RAB19: variants seen among roughly 807,000 people sequenced by gnomAD.
The protein encoded by RAB19 is RAB19, member RAS oncogene family, also known as ras-related protein Rab-19.
Under a neutral mutation model 17.3 loss-of-function variants are expected in RAB19, and 21 were observed. That is an observed-to-expected ratio of 1.21 (90% CI 0.86 to 1.74). The LOEUF (loss-of-function observed/expected upper bound fraction) is 1.74, where lower values mean the gene tolerates loss of function less well. Among genes scored for constraint, RAB19 ranks in the 40% most tolerant of loss-of-function variants. The pLI, the probability that RAB19 is intolerant of heterozygous loss-of-function variation, is 0.00. For synonymous variants in RAB19, 126 were observed against 110.4 expected (o/e 1.14, Z -0.88); for missense variants, 277 against 286.8 (o/e 0.97, Z 0.25).
At chr7:140,411,378 C>T (rs1453551963) in intron 2 of RAB19, among the ~76,000 whole-genome samples, 5 of 151,998 alleles carry the variant, frequency 3.3e-5, no homozygotes, top group Admixed American at 3.3e-4. Context: ...CCAGCCTGGG[C>T]GACAGAGCGA....
chr7:140,424,586 C>CCT (rs376517516), intron 3 of RAB19, among the ~76,000 whole-genome samples: 1,303 of 127,538 alleles, frequency 0.01, 4 homozygotes, highest in African/African-American at 0.013. Context: ...TGGACCTCTC[C>CCT]CTCTCTCTCT....
chr7:140,415,271 C>T (rs1799436616), intron 3 of RAB19, among the ~76,000 whole-genome samples: 1 of 152,032 alleles, frequency 6.6e-6, no homozygotes, highest in African/African-American at 2.4e-5. Context: ...GACAGGGTTT[C>T]ACCATGTTGG....
chr7:140,424,639 A>ATATATATG (rs1554442794), intron 3 of RAB19, among the ~76,000 whole-genome samples: 66 of 138,350 alleles, frequency 4.8e-4, no homozygotes, highest in Middle Eastern at 3.7e-3. Context: ...ATATATATAT[A>ATATATATG]TGTGTGTGTG....
chr7:140,416,148 G>A (rs1463028364), intron 3 of RAB19, among the ~76,000 whole-genome samples: 1 of 152,012 alleles, frequency 6.6e-6, no homozygotes. Flanking sequence ...TTCGAGACCA[G>A]CCTGACCAAC....
chr7:140,419,459 TC>T (rs1374667249), intron 3 of RAB19, among the ~76,000 whole-genome samples: 1 of 152,206 alleles, frequency 6.6e-6, no homozygotes, highest in Non-Finnish European at 1.5e-5. Context: ...AACAGTTTCA[TC>T]CATCGTTGCA....
chr7:140,408,258 C>T (rs370252171), intron 2 of RAB19, among the ~76,000 whole-genome samples: 6 of 151,956 alleles, frequency 3.9e-5, no homozygotes, highest in African/African-American at 1.4e-4. Context: ...CAGTACAAAA[C>T]ATGAAATCAT....
At chr7:140,416,550 C>T (rs959011683) in intron 3 of RAB19, among the ~76,000 whole-genome samples, 2 of 152,138 alleles carry the variant, frequency 1.3e-5, no homozygotes, top group African/African-American at 4.8e-5. Context: ...TGGATTGGTA[C>T]ATTCTTGTCT....
rs1483293404 is a variant in RAB19 at position 140,411,721 on chromosome 7, AG to A, written c.202-152del. 2.0e-6 allele frequency: 3 copies of A among 1,491,164 alleles called. No homozygotes were observed. The African/African-American group carries it at 4.2e-5, about 21-fold the overall frequency. 92.4% of individuals were successfully genotyped at this position (1,491,164 alleles called of 1,614,324 possible). On this transcript the variant is annotated intron_variant, in intron 2 of 3. Transcript: ENST00000537763. ...CCAAGTCATCCAGGGAGCAACTGAA[AG>A]AATAGATCCCTGGGTCCCACCCCAG...
At position 140,424,661 on chromosome 7, in the gene RAB19, GTGTATA is replaced by G. The variant is rs1262179115; in HGVS notation, c.386-1219_386-1214del. Among the ~76,000 whole-genome samples the G allele has an allele frequency of 1.6e-3, 196 of 119,548 alleles. 3 individuals are homozygous for G. The South Asian group carries it at 0.02, about 12-fold the overall frequency. The allele number at this position is 119,548 out of a possible 152,430, so 78.4% of individuals were successfully genotyped here. ...TATATGTGTGTGTGTATATATGTGT[GTGTATA>G]TATATATATATATATACACATATCT... On this transcript the variant is annotated intron_variant, in intron 3 of 3. Transcript: ENST00000537763.
In RAB19 at chr7:140,426,036, C is replaced by G. The variant is rs776290345; in HGVS notation, c.540C>G (p.Ile180Met). The G allele has an allele frequency of 1.2e-6, 2 of 1,614,016 alleles. No homozygotes were observed. The highest frequency in any genetic ancestry group is 1.3e-5 in the African/African-American group (1 of 74,916). Residue 180 changes from isoleucine (I) to methionine (M), a missense_variant, in exon 4 of 4, where the codon ATC becomes ATG. Ile to Met is a conservative substitution (Grantham distance 10, BLOSUM62 1). Transcript: ENST00000537763. Reference sequence around the variant, plus strand: ...TCGTGCTCATGGCCAAGGAGCTGATCGCGCGCAACAGCCTGCACCTATATG... The same window carrying G: ...TCGTGCTCATGGCCAAGGAGCTGATGGCGCGCAACAGCCTGCACCTATATG... ...EVFVLMAKEL[I>M]ARNSLHLYGE...
At chr7:140,422,351 T>C (rs1799576319) in intron 3 of RAB19, among the ~76,000 whole-genome samples, 1 of 152,088 alleles carries the variant, frequency 6.6e-6, no homozygotes, top group South Asian at 2.1e-4. Flanking sequence ...ATCATGCCAC[T>C]GTACTCCAGC....
At chr7:140,422,288 C>T (rs1389900658) in intron 3 of RAB19, among the ~76,000 whole-genome samples, 2 of 151,946 alleles carry the variant, frequency 1.3e-5, no homozygotes, top group Non-Finnish European at 2.9e-5. Flanking sequence ...ACTCGGGAGG[C>T]GGAGGCAGGA....
At chr7:140,420,420 CAAAAAAAA>C (rs560889183) in intron 3 of RAB19, among the ~76,000 whole-genome samples, 4 of 87,316 alleles carry the variant, frequency 4.6e-5, no homozygotes, top group African/African-American at 1.8e-4. Context: ...GACTCCATAT[CAAAAAAAA>C]AAAAAAAAAA....
intron 3 of RAB19, among the ~76,000 whole-genome samples, chr7:140,416,920 G>A (rs1398381060): frequency 6.6e-6 from 1 of 151,860 alleles, no homozygotes; most frequent in Non-Finnish European, 1.5e-5. Context: ...TGAGACCTCC[G>A]TCTCTACAAA....
rs1184355696 is a variant in RAB19 at position 140,412,065 on chromosome 7, AT to A, written c.385+13del. 1 of 1,606,934 alleles carries A rather than the reference AT, an allele frequency of 6.2e-7. No individual in the cohort carries two copies. Among genetic ancestry groups the A allele is most frequent in the African/African-American group, 1.3e-5 (1 of 74,906 alleles). On this transcript the variant is annotated intron_variant, in intron 3 of 3. Coordinates refer to ENST00000537763, the MANE Select transcript of RAB19 (RefSeq NM_001008749.3). ...TGGTCATTATGCTGATTGGTATGGC[AT>A]TTTTGAAGTTTTTAACTTTTGTTTA...
chr7:140,425,194 G>A (rs950735623), intron 3 of RAB19, among the ~76,000 whole-genome samples: 9 of 152,154 alleles, frequency 5.9e-5, no homozygotes, highest in Admixed American at 1.3e-4. Flanking sequence ...TCTGAGGCAC[G>A]AGAATCGTTT....
chr7:140,427,194 G>C lies in RAB19; in HGVS notation c.*1044G>C, dbSNP rs1418286946. Among the ~76,000 whole-genome samples the C allele has an allele frequency of 7.1e-6, 1 of 140,196 alleles. No individual in the cohort carries two copies. The highest frequency in any genetic ancestry group is 1.5e-5 in the Non-Finnish European group (1 of 66,042). The allele number at this position is 140,196 out of a possible 152,430, so 92.0% of individuals were successfully genotyped here. A position where few individuals can be genotyped will look rare whatever the true frequency, so the allele number is the denominator to read the frequency against. ...GAGTCTCACTCTGTCACTCAGGCTG[G>C]AATGCAGTGGCATGATCTCGGCTCA... On this transcript the variant is annotated 3_prime_UTR_variant, in exon 4 of 4. Coordinates refer to ENST00000537763, the MANE Select transcript of RAB19 (RefSeq NM_001008749.3).
At chr7:140,410,894 C>T (rs975762184) in intron 2 of RAB19, 7 of 1,361,220 alleles carry the variant, frequency 5.1e-6, no homozygotes, top group Non-Finnish European at 6.9e-6. Context: ...TTGGTGCTGC[C>T]GCTTGGGTGG....
chr7:140,409,776 G>A (rs1441057356), intron 2 of RAB19, among the ~76,000 whole-genome samples: 3 of 151,894 alleles, frequency 2.0e-5, no homozygotes, highest in African/African-American at 4.8e-5. Context: ...GGTGGATTAC[G>A]AGGTCAGGAG....
Sources: allele counts gnomAD v4.1 joint callset (sites outside exome capture counted in the v4.1 genomes callset), GRCh38; gene constraint gnomAD v4.1.1; transcripts MANE v1.5; gene names NCBI Gene and HGNC (gene_info 2026-07-23, HGNC 2026-07-21).